Variants in PALLD observed in about 807,000 individuals in gnomAD.
The protein encoded by PALLD is palladin, cytoskeletal associated protein.
Under a neutral mutation model 123.5 loss-of-function variants are expected in PALLD, and 61 were observed. That is an observed-to-expected ratio of 0.49 (90% CI 0.40 to 0.61). The LOEUF is 0.61. PALLD is among the 20% of genes least tolerant of loss of function. PALLD has a pLI of 0.00. For synonymous variants in PALLD, 465 were observed against 496.4 expected, an observed-to-expected ratio of 0.94 and a Z score of 0.84; for missense variants, 1,273 against 1,377.0, an observed-to-expected ratio of 0.92 and a Z score of 1.20.
chr4:168,686,198 TTTTG>T (rs1390382590), intron 6 of PALLD, among the ~76,000 whole-genome samples: 1 of 152,130 alleles, frequency 6.6e-6, no homozygotes, highest in African/African-American at 2.4e-5. Flanking sequence ...TCCTGGGTTT[TTTTG>T]TTTTGGTTTG....
chr4:168,775,141 C>T (rs763222710), intron 10 of PALLD, among the ~76,000 whole-genome samples: 13 of 151,966 alleles, frequency 8.6e-5, no homozygotes, highest in South Asian at 4.2e-4. Flanking sequence ...ATGGTTATAT[C>T]GTTTTACCTT....
intron 10 of PALLD, among the ~76,000 whole-genome samples, chr4:168,786,095 C>T (rs1736714917): frequency 2.0e-5 from 3 of 151,650 alleles, no homozygotes; most frequent in African/African-American, 4.8e-5. Flanking sequence ...TTTGAGAGGC[C>T]GAGGAGGGCG....
intron 16 of PALLD, among the ~76,000 whole-genome samples, chr4:168,914,960 G>A (rs953023105): frequency 2.0e-5 from 3 of 152,144 alleles, no homozygotes; most frequent in African/African-American, 7.2e-5. Flanking sequence ...ATGCTAGCCT[G>A]TATCTTTGGG....
At chr4:168,842,097 C>A (rs977974348) in intron 10 of PALLD, among the ~76,000 whole-genome samples, 17 of 152,130 alleles carry the variant, frequency 1.1e-4, no homozygotes, top group African/African-American at 3.9e-4. Context: ...GGTCTGATTC[C>A]CCTCTTTATA....
In PALLD at chr4:168,738,259, T is replaced by C. The variant is rs1352316567; in HGVS notation, c.1964+26336T>C. 6.6e-5 allele frequency among the ~76,000 whole-genome samples: 10 copies of C among 151,872 alleles called. No homozygotes were observed. In the East Asian group the frequency reaches 1.4e-3, roughly 21 times the overall value. On this transcript the variant is annotated intron_variant, in intron 10 of 21. Transcript: ENST00000505667. ...TACACTTAGAACAATGGCTTGATCA[T>C]GGATTGGGTGGGGGTGGAGGACAAG... is the stretch of plus-strand genomic sequence containing the variant.
intron 2 of PALLD, among the ~76,000 whole-genome samples, chr4:168,555,136 C>G (rs768869555): frequency 1.3e-4 from 20 of 152,098 alleles, no homozygotes; most frequent in Non-Finnish European, 2.5e-4. Context: ...ACATGTAGAT[C>G]TACTATTATT....
At chr4:168,714,302 T>G (rs1343267023) in intron 10 of PALLD, among the ~76,000 whole-genome samples, 2 of 152,266 alleles carry the variant, frequency 1.3e-5, no homozygotes, top group East Asian at 3.9e-4. Context: ...GTTTTCAAAG[T>G]TTTCTTTCAG....
intron 10 of PALLD, among the ~76,000 whole-genome samples, chr4:168,877,391 G>A (rs1299148393): frequency 2.0e-5 from 3 of 152,190 alleles, no homozygotes; most frequent in African/African-American, 7.2e-5. Context: ...ATGTCGAAAC[G>A]TTTTTCTCTT....
chr4:168,708,242 G>C (rs981290518), intron 8 of PALLD, among the ~76,000 whole-genome samples: 4 of 152,104 alleles, frequency 2.6e-5, no homozygotes, highest in African/African-American at 9.7e-5. Context: ...GTATAGTAAG[G>C]GTTATATAGC....
chr4:168,758,901 A>T (rs373089122), intron 10 of PALLD, among the ~76,000 whole-genome samples: 4 of 151,866 alleles, frequency 2.6e-5, no homozygotes, highest in Admixed American at 2.6e-4. Context: ...AAGGCTGGGC[A>T]TGGTGGCTCA....
intron 10 of PALLD, among the ~76,000 whole-genome samples, chr4:168,775,612 A>G (rs1260129785): frequency 6.6e-6 from 1 of 152,212 alleles, no homozygotes; most frequent in Non-Finnish European, 1.5e-5. Context: ...GCCTAATCCA[A>G]GCTCACAAAG....
chr4:168,896,581 T>C lies in PALLD; in HGVS notation c.2232T>C (p.Ser744=). ...DIGSPHASVG[S]PLDGQKEYKV... is the part of the protein sequence containing the mutation. ...GTTCTCCTCATGCTTCTGTAGGGAG[T>C]CCTCTGGATGGTCAAAAGGTTAAGC... Residue 744 remains serine, a synonymous_variant, in exon 13 of 22, where the codon AGT becomes AGC. Transcript: ENST00000505667. 6.6e-7 allele frequency: 1 copy of C among 1,517,832 alleles called. No individual in the cohort carries two copies. The highest frequency in any genetic ancestry group is 8.9e-7 in the Non-Finnish European group (1 of 1,129,566). 94.0% of individuals were successfully genotyped at this position (1,517,832 alleles called of 1,614,324 possible).
intron 2 of PALLD, among the ~76,000 whole-genome samples, chr4:168,637,038 A>G (rs1182438827): frequency 6.6e-6 from 1 of 152,184 alleles, no homozygotes; most frequent in Non-Finnish European, 1.5e-5. Context: ...AAGAAGAGCT[A>G]AGTGACTCAG....
intron 3 of PALLD, 22 bp downstream of exon 3, chr4:168,668,390 T>TG: frequency 6.3e-7 from 1 of 1,581,344 alleles, no homozygotes; most frequent in Non-Finnish European, 8.6e-7. Context: ...TGCCTGGTAA[T>TG]GGGGGATAAA....
intron 2 of PALLD, among the ~76,000 whole-genome samples, chr4:168,579,472 T>G (rs908001394): frequency 6.6e-6 from 1 of 152,170 alleles, no homozygotes; most frequent in African/African-American, 2.4e-5. Context: ...TTTTTAGCTA[T>G]GCAATACAGC....
chr4:168,703,025 A>C (rs909957714), intron 8 of PALLD, among the ~76,000 whole-genome samples: 13 of 140,604 alleles, frequency 9.2e-5, no homozygotes, highest in African/African-American at 3.2e-4. Context: ...GTCATCTAGC[A>C]TTAGGTATAT....
At position 168,844,680 on chromosome 4, in the gene PALLD, C is replaced by A. The variant is rs535176833; in HGVS notation, c.1965-46242C>A. On this transcript the variant is annotated intron_variant, in intron 10 of 21. Transcript: ENST00000505667. The surrounding 1 kb of genome is among the most constrained non-coding windows in gnomAD (Gnocchi z 4.5). ...GAGATTGGACTCTGGCATCCCACAG[C>A]GTATCTTCCCTGCCAACTTCCTAAT... The A allele has an allele frequency of 6.6e-6, 1 of 152,148 alleles. No individual in the cohort carries two copies. The highest frequency in any genetic ancestry group is 1.9e-4 in the East Asian group (1 of 5,188). The allele number at this position is 152,148 out of a possible 1,614,324, so 9.4% of individuals were successfully genotyped here.
chr4:168,521,757 G>A (rs1397106436), intron 2 of PALLD, among the ~76,000 whole-genome samples: 2 of 152,190 alleles, frequency 1.3e-5, no homozygotes, highest in East Asian at 1.9e-4. Flanking sequence ...AATACATCTT[G>A]AAAGTTGCTT....
At chr4:168,526,234 C>G (rs1186886733) in intron 2 of PALLD, among the ~76,000 whole-genome samples, 8 of 152,162 alleles carry the variant, frequency 5.3e-5, no homozygotes, top group African/African-American at 1.9e-4. Flanking sequence ...TTTCTTGACC[C>G]TTCATGGGGT....
Sources: allele counts gnomAD v4.1 joint callset (sites outside exome capture counted in the v4.1 genomes callset), GRCh38; gene constraint gnomAD v4.1.1; non-coding constraint Gnocchi (gnomAD v3.1); transcripts MANE v1.5; gene names NCBI Gene and HGNC (gene_info 2026-07-23, HGNC 2026-07-21).